The following PHKA1 variants were observed in gnomAD, a reference collection of about 807,000 sequenced individuals.
PHKA1 encodes the protein phosphorylase b kinase regulatory subunit alpha, skeletal muscle isoform.
A neutral mutation model predicts 110.2 loss-of-function variants in PHKA1; 60 were observed. The ratio of observed to expected loss-of-function variants is 0.54; its 90% CI spans 0.44 to 0.68. The LOEUF (loss-of-function observed/expected upper bound fraction) is 0.68, where lower values mean the gene tolerates loss of function less well. Among genes scored for constraint, PHKA1 ranks in the 30% least tolerant of loss-of-function variants. PHKA1 has a pLI of 0.00. For missense variants in PHKA1, 801 were observed against 942.5 expected, an observed-to-expected ratio of 0.85 and a Z score of 1.97; for synonymous variants, 316 against 333.6, an observed-to-expected ratio of 0.95 and a Z score of 0.58.
At chrX:72,675,980 T>C in intron 6 of PHKA1, 90 bp downstream of exon 6, 2 of 634,572 alleles carry the variant, frequency 3.2e-6, no homozygotes, top group Admixed American at 2.3e-5. Context: ...AATTTGATTA[T>C]GGTCCACAGT....
intron 8 of PHKA1, among the ~76,000 whole-genome samples, chrX:72,659,693 C>T (rs911284324): frequency 8.9e-6 from 1 of 112,255 alleles, no homozygotes; most frequent in Non-Finnish European, 1.9e-5. Flanking sequence ...GTCAACCTTA[C>T]TGTACAGATA....
chrX:72,695,628 G>T lies in PHKA1; in HGVS notation c.454+80C>A, dbSNP rs1413838581. ...ATGAAGATCTACCCCAGCCTTCCCG[G>T]TTCTCAATTTAAAAGAATATTAATT... On this transcript the variant is annotated intron_variant, in intron 4 of 31. Coordinates refer to ENST00000373542, the MANE Select transcript of PHKA1 (RefSeq NM_002637.4). The T allele has an allele frequency of 4.0e-6, 4 of 1,001,123 alleles. No individual in the cohort carries two copies. In the Admixed American group the frequency reaches 9.2e-5, roughly 23 times the overall value. The allele number at this position is 1,001,123 out of a possible 1,213,427, so 82.5% of individuals were successfully genotyped here. A position where few individuals can be genotyped will look rare whatever the true frequency, so the allele number is the denominator to read the frequency against.
chrX:72,636,251 T>C, intron 15 of PHKA1, 26 bp downstream of exon 15: 6 of 878,736 alleles, frequency 6.8e-6, no homozygotes, highest in Non-Finnish European at 1.0e-5. Flanking sequence ...TTCATCTCAA[T>C]GCACATTCCA....
intron 6 of PHKA1, among the ~76,000 whole-genome samples, chrX:72,670,164 G>A (rs28855229): frequency 0.072 from 8,019 of 111,458 alleles, 841 homozygotes; most frequent in East Asian, 0.68. Flanking sequence ...TTTTTTGGTG[G>A]CATAAATGTC....
At chrX:72,671,860 G>A (rs1475295652) in intron 6 of PHKA1, among the ~76,000 whole-genome samples, 9 of 111,273 alleles carry the variant, frequency 8.1e-5, no homozygotes, top group Non-Finnish European at 1.5e-4. Flanking sequence ...TTAATAAATG[G>A]TGCTGGGAAA....
At chrX:72,706,232 C>T (rs1426261051) in intron 2 of PHKA1, among the ~76,000 whole-genome samples, 2 of 111,992 alleles carry the variant, frequency 1.8e-5, no homozygotes, top group Non-Finnish European at 3.8e-5. Context: ...GTGGGAGAGT[C>T]CCCTTTCTTA....
chrX:72,637,957 G>T (rs1233959924), intron 14 of PHKA1, among the ~76,000 whole-genome samples: 3 of 110,874 alleles, frequency 2.7e-5, no homozygotes, highest in African/African-American at 9.8e-5. Flanking sequence ...CACCTCTTTG[G>T]TTAAGCCTAT....
intron 28 of PHKA1, among the ~76,000 whole-genome samples, chrX:72,597,167 G>A (rs1397896143): frequency 8.9e-6 from 1 of 112,198 alleles, no homozygotes; most frequent in Non-Finnish European, 1.9e-5. Flanking sequence ...GGAAAGGCTT[G>A]CTTACAAGGT....
intron 8 of PHKA1, among the ~76,000 whole-genome samples, 184 bp downstream of exon 8, chrX:72,665,967 C>A (rs1850585097): frequency 1.8e-5 from 2 of 111,924 alleles, no homozygotes; most frequent in Admixed American, 1.9e-4. Flanking sequence ...GGGTGTACCA[C>A]CCTGCATTGC....
At chrX:72,667,521 T>C (rs369274618) in intron 6 of PHKA1, 48 bp from the exon 7 acceptor site, 2 of 975,519 alleles carry the variant, frequency 2.1e-6, no homozygotes, top group African/African-American at 3.8e-5. Context: ...TAGAAAGATA[T>C]ATATTTCTTC....
chrX:72,642,483 G>GT (rs1271420437), intron 14 of PHKA1, among the ~76,000 whole-genome samples: 1 of 111,760 alleles, frequency 8.9e-6, no homozygotes, highest in Non-Finnish European at 1.9e-5. Flanking sequence ...ACTCAAGTGG[G>GT]TAAGATGTTG....
chrX:72,626,067 TG>T, intron 17 of PHKA1, among the ~76,000 whole-genome samples: 1 of 100,044 alleles, frequency 1.0e-5, no homozygotes, highest in African/African-American at 3.6e-5. Flanking sequence ...TGTGTGTACA[TG>T]TGTGTATATA....
intron 7 of PHKA1, 79 bp downstream of exon 7, chrX:72,667,296 C>A (rs1320060835): frequency 1.4e-6 from 1 of 699,240 alleles, no homozygotes; most frequent in East Asian, 3.4e-5. Flanking sequence ...ATTCAGCTAT[C>A]CTTAATCTAA....
chrX:72,582,252 A>G (rs1029836114), intron 31 of PHKA1, 146 bp downstream of exon 31: 8 of 457,772 alleles, frequency 1.7e-5, no homozygotes, highest in Non-Finnish European at 3.0e-5. Context: ...TTGCAAACAG[A>G]GCTCAGAGCC....
rs376822361 is a variant in PHKA1, at chrX:72,611,203, G to A, written c.2370-19C>T. 21 of 1,162,390 alleles carry A rather than the reference G, an allele frequency of 1.8e-5. No individual in the cohort carries two copies. In the African/African-American group the frequency reaches 3.4e-4, roughly 19 times the overall value. On this transcript the variant is annotated intron_variant, in intron 21 of 31. Transcript: ENST00000373542. Reference sequence around the variant, plus strand: ...AGGTCCTCTAGAATTTTAACGACAGGACTACATCAGTTTTAAGTAAAGCTT... The same window carrying A: ...AGGTCCTCTAGAATTTTAACGACAGAACTACATCAGTTTTAAGTAAAGCTT...
intron 6 of PHKA1, among the ~76,000 whole-genome samples, chrX:72,675,258 G>T (rs1205721544): frequency 9.3e-6 from 1 of 108,105 alleles, no homozygotes; most frequent in East Asian, 2.9e-4. Flanking sequence ...ATAAAAAAAT[G>T]GAATAAAATT....
chrX:72,585,090 G>A (rs1220994931), intron 29 of PHKA1, among the ~76,000 whole-genome samples: 2 of 110,190 alleles, frequency 1.8e-5, no homozygotes, highest in African/African-American at 6.6e-5. Context: ...TCTTATACAA[G>A]TAATTTCCAA....
intron 21 of PHKA1, among the ~76,000 whole-genome samples, chrX:72,611,800 G>C (rs1345816300): frequency 1.8e-5 from 2 of 111,980 alleles, no homozygotes; most frequent in African/African-American, 6.5e-5. Context: ...ATTTTGGTGA[G>C]GCTTTGAGAA....
At chrX:72,581,918 T>C (rs1384676837) in intron 31 of PHKA1, among the ~76,000 whole-genome samples, 1 of 112,311 alleles carries the variant, frequency 8.9e-6, no homozygotes, top group East Asian at 2.8e-4. Flanking sequence ...GGAAGAAGAT[T>C]TATTAAGAAA....
Sources: allele counts gnomAD v4.1 joint callset (sites outside exome capture counted in the v4.1 genomes callset), GRCh38; gene constraint gnomAD v4.1.1; transcripts MANE v1.5; gene names NCBI Gene and HGNC (gene_info 2026-07-23, HGNC 2026-07-21).